The following FSTL4 variants were observed in gnomAD, a reference collection of about 807,000 sequenced individuals.
FSTL4 encodes the protein follistatin-related protein 4.
Under a neutral mutation model 78.2 loss-of-function variants are expected in FSTL4, and 28 were observed. The ratio of observed to expected loss-of-function variants is 0.36; its 90% CI spans 0.27 to 0.49. The LOEUF (loss-of-function observed/expected upper bound fraction) is 0.49, where lower values mean the gene tolerates loss of function less well. Ranked by LOEUF, FSTL4 falls within the 20% of genes least tolerant of loss-of-function variation. FSTL4 has a pLI of 0.98. For missense variants in FSTL4, 922 were observed against 1,084.9 expected, an observed-to-expected ratio of 0.85 and a Z score of 2.11; for synonymous variants, 422 against 440.5, an observed-to-expected ratio of 0.96 and a Z score of 0.53.
chr5:133,567,422 CA>C (rs528853562), intron 2 of FSTL4, among the ~76,000 whole-genome samples: 2 of 151,784 alleles, frequency 1.3e-5, no homozygotes, highest in African/African-American at 2.4e-5. Context: ...AGGGCTTAGG[CA>C]AAAAAAATCC....
At chr5:133,807,752 C>A in the FSTL4 span, among the ~76,000 whole-genome samples, 1 of 152,248 alleles carries the variant, frequency 6.6e-6, no homozygotes, top group Non-Finnish European at 1.5e-5. Flanking sequence ...CATGTCCTCT[C>A]ACCGCAAAAT....
At chr5:133,282,425 C>T (rs1382269967) in intron 6 of FSTL4, among the ~76,000 whole-genome samples, 1 of 152,184 alleles carries the variant, frequency 6.6e-6, no homozygotes, top group Admixed American at 6.5e-5. Flanking sequence ...TGGTTTCTGG[C>T]CAGCTCACAG....
In FSTL4 at chr5:133,612,022, A is replaced by G. The variant is rs1761108055; in HGVS notation, c.-11+303T>C. ...CTTCTGCGTGGCGCCCCGCGTGCCAACCGGGTCACTCCGGTCCCCACCGTA... is the reference window on the plus strand; with the variant it reads ...CTTCTGCGTGGCGCCCCGCGTGCCAGCCGGGTCACTCCGGTCCCCACCGTA... On this transcript the variant is annotated intron_variant, in intron 1 of 15. Transcript: ENST00000265342. The surrounding 1 kb of genome is among the most constrained non-coding windows in gnomAD (Gnocchi z 6.2). Among the ~76,000 whole-genome samples the G allele has an allele frequency of 6.6e-6, 1 of 151,466 alleles. No homozygotes were observed. Among genetic ancestry groups the G allele is most frequent in the Non-Finnish European group, 1.5e-5 (1 of 67,798 alleles).
rs1471647231 is a variant in FSTL4 at position 133,315,408 on chromosome 5, A to G, written c.603+1051T>C. Among the ~76,000 whole-genome samples, 3 of 152,210 alleles carry G rather than the reference A, an allele frequency of 2.0e-5. No homozygotes were observed. The East Asian group carries it at 5.8e-4, about 29-fold the overall frequency. The stretch of plus-strand genomic sequence containing the variant: ...ACGAACTCTTCTGTGTTTATTAATC[A>G]TAGGTCAAGGGCCTAGCTCAATGTC... On this transcript the variant is annotated intron_variant, in intron 5 of 15. Coordinates refer to ENST00000265342, the MANE Select transcript of FSTL4 (RefSeq NM_015082.2).
intron 4 of FSTL4, among the ~76,000 whole-genome samples, chr5:133,323,408 G>A (rs1379653322): frequency 1.3e-5 from 2 of 152,236 alleles, no homozygotes; most frequent in South Asian, 2.1e-4. Context: ...CAAGGGAGGG[G>A]TATGGCTCAT....
At chr5:133,257,540 T>C (rs1182391062) in intron 6 of FSTL4, among the ~76,000 whole-genome samples, 1 of 152,196 alleles carries the variant, frequency 6.6e-6, no homozygotes, top group African/African-American at 2.4e-5. Flanking sequence ...TAAACCTCAA[T>C]GTGACTGCTG....
At chr5:133,691,781 C>A in the FSTL4 span, among the ~76,000 whole-genome samples, 1 of 152,070 alleles carries the variant, frequency 6.6e-6, no homozygotes, top group Non-Finnish European at 1.5e-5. Flanking sequence ...ACAGCCTGCA[C>A]AGGGATAAGG....
chr5:133,678,132 T>A, the FSTL4 span, among the ~76,000 whole-genome samples: 2 of 152,210 alleles, frequency 1.3e-5, no homozygotes, highest in Admixed American at 6.5e-5. Context: ...ACAGTCACCA[T>A]GTTGTGTGTG....
chr5:133,547,305 A>G (rs1759599574), intron 3 of FSTL4, among the ~76,000 whole-genome samples: 1 of 152,198 alleles, frequency 6.6e-6, no homozygotes, highest in Admixed American at 6.5e-5. Flanking sequence ...TCTTGGAAGT[A>G]GATAACTCAT....
intron 2 of FSTL4, among the ~76,000 whole-genome samples, chr5:133,576,486 A>G (rs768990552): frequency 7.5e-4 from 114 of 152,248 alleles, no homozygotes; most frequent in Admixed American, 3.1e-3. Context: ...GTGGAGCTCC[A>G]TGTGACCAGA....
At chr5:133,348,844 C>T (rs1314752375) in intron 4 of FSTL4, among the ~76,000 whole-genome samples, 1 of 152,176 alleles carries the variant, frequency 6.6e-6, no homozygotes, top group Non-Finnish European at 1.5e-5. Flanking sequence ...TACGGAAAGT[C>T]CCCAGCATGG....
the FSTL4 span, among the ~76,000 whole-genome samples, chr5:133,787,517 G>C: frequency 2.6e-5 from 4 of 152,198 alleles, no homozygotes; most frequent in Admixed American, 6.5e-5. Context: ...CTGAACCCAG[G>C]GATGGGAAGA....
intron 3 of FSTL4, among the ~76,000 whole-genome samples, chr5:133,535,246 G>A (rs556040870): frequency 6.6e-6 from 1 of 152,302 alleles, no homozygotes; most frequent in East Asian, 1.9e-4. Context: ...ACTGTTGGGA[G>A]CAAGCCCCCC....
chr5:133,216,373 C>A (rs982140493), intron 13 of FSTL4, among the ~76,000 whole-genome samples: 3 of 148,516 alleles, frequency 2.0e-5, no homozygotes, highest in Admixed American at 6.6e-5. Flanking sequence ...TCACTGCAAC[C>A]TCCACCTCCC....
intron 3 of FSTL4, among the ~76,000 whole-genome samples, chr5:133,464,408 A>T (rs1757658946): frequency 6.6e-6 from 1 of 152,226 alleles, no homozygotes; most frequent in Non-Finnish European, 1.5e-5. Context: ...CAAATACCCC[A>T]AACAAAACCA....
intron 6 of FSTL4, among the ~76,000 whole-genome samples, chr5:133,281,804 T>C (rs1007364538): frequency 6.6e-6 from 1 of 151,996 alleles, no homozygotes; most frequent in African/African-American, 2.4e-5. Context: ...TTCCAGGGCA[T>C]GGGTTGGGTC....
At chr5:133,357,575 C>T (rs1371449459) in intron 4 of FSTL4, among the ~76,000 whole-genome samples, 2 of 152,186 alleles carry the variant, frequency 1.3e-5, no homozygotes, top group Non-Finnish European at 2.9e-5. Flanking sequence ...GACATCATCC[C>T]TTGTAAAGCA....
the FSTL4 span, among the ~76,000 whole-genome samples, chr5:133,622,168 T>C: frequency 1.1e-4 from 17 of 152,342 alleles, no homozygotes; most frequent in African/African-American, 2.4e-4. Flanking sequence ...CTTTGGTAGA[T>C]TGGCTTTCTT....
intron 4 of FSTL4, among the ~76,000 whole-genome samples, chr5:133,339,206 C>T (rs1337218226): frequency 6.6e-6 from 1 of 152,194 alleles, no homozygotes; most frequent in Non-Finnish European, 1.5e-5. Context: ...CTCTTCAGAT[C>T]GGTGGGGCTG....
Sources: allele counts gnomAD v4.1 joint callset (sites outside exome capture counted in the v4.1 genomes callset), GRCh38; gene constraint gnomAD v4.1.1; non-coding constraint Gnocchi (gnomAD v3.1); transcripts MANE v1.5; gene names NCBI Gene and HGNC (gene_info 2026-07-23, HGNC 2026-07-21).